Variants in MALRD1 observed in about 807,000 individuals in gnomAD.
MALRD1 encodes the protein MAM and LDL-receptor class A domain-containing protein 1.
MALRD1 carries 247 observed loss-of-function variants against 242.1 expected under a neutral mutation model. That is an observed-to-expected ratio of 1.02 (90% CI 0.92 to 1.13). MALRD1 has a LOEUF of 1.13. Ranked by LOEUF, MALRD1 falls within the 50% of genes most tolerant of loss-of-function variation. The pLI is 0.00. For missense variants in MALRD1, 2,989 were observed against 2,533.1 expected (o/e 1.18, Z -3.86); for synonymous variants, 995 against 866.6 (o/e 1.15, Z -2.60).
chr10:19,694,549 C>T (rs745762908), intron 38 of MALRD1, among the ~76,000 whole-genome samples: 7 of 152,080 alleles, frequency 4.6e-5, no homozygotes, highest in Non-Finnish European at 7.4e-5. Flanking sequence ...GTTAGAATGG[C>T]GATCATTAAA....
intron 21 of MALRD1, among the ~76,000 whole-genome samples, chr10:19,286,950 C>T (rs1352623865): frequency 6.6e-6 from 1 of 151,210 alleles, no homozygotes; most frequent in Non-Finnish European, 1.5e-5. Flanking sequence ...AATCCAGCAG[C>T]ACATCAAAAA....
chr10:19,133,283 T>C (rs1280017244), intron 8 of MALRD1, among the ~76,000 whole-genome samples: 1 of 152,186 alleles, frequency 6.6e-6, no homozygotes, highest in African/African-American at 2.4e-5. Flanking sequence ...AACATAGATT[T>C]CTCTAAAAGA....
intron 19 of MALRD1, among the ~76,000 whole-genome samples, chr10:19,274,819 G>A (rs1006952907): frequency 6.6e-6 from 1 of 152,048 alleles, no homozygotes; most frequent in Non-Finnish European, 1.5e-5. Context: ...CCGAGAGCTG[G>A]GGGGAGGCAG....
chr10:19,096,586 A>G (rs1423797747), intron 4 of MALRD1, among the ~76,000 whole-genome samples: 2 of 152,186 alleles, frequency 1.3e-5, no homozygotes, highest in Non-Finnish European at 2.9e-5. Context: ...TTGGTGGGCC[A>G]CAGAGAAGTG....
rs12413198 is a variant in MALRD1, at chr10:19,384,500, T to A, written c.4442-3028T>A. 1.6e-3 allele frequency among the ~76,000 whole-genome samples: 186 copies of A among 116,872 alleles called. 4 individuals are homozygous for A. The Admixed American group carries it at 0.017, about 11-fold the overall frequency. The allele number at this position is 116,872 out of a possible 152,430, so 76.7% of individuals were successfully genotyped here. A position where few individuals can be genotyped will look rare whatever the true frequency, so the allele number is the denominator to read the frequency against. Reference sequence around the variant, plus strand: ...TTATATAGTGTATGTAATATAATATTTACTATATATTATATATTATATAGT... The same window carrying A: ...TTATATAGTGTATGTAATATAATATATACTATATATTATATATTATATAGT... On this transcript the variant is annotated intron_variant, in intron 26 of 39. Coordinates refer to ENST00000454679, the MANE Select transcript of MALRD1 (RefSeq NM_001142308.3).
chr10:19,109,806 T>C (rs962176803), intron 5 of MALRD1, among the ~76,000 whole-genome samples: 3 of 152,210 alleles, frequency 2.0e-5, no homozygotes, highest in African/African-American at 7.2e-5. Context: ...AGGCACAATG[T>C]GCGCTCCTTC....
chr10:19,615,516 CAAA>C (rs530920512), intron 35 of MALRD1, among the ~76,000 whole-genome samples: 2 of 37,238 alleles, frequency 5.4e-5, no homozygotes, highest in Non-Finnish European at 4.4e-5. Context: ...GACCCTGCCT[CAAA>C]AAAAAAAAAA....
chr10:19,430,055 C>T (rs1433294722), intron 28 of MALRD1, among the ~76,000 whole-genome samples: 1 of 151,544 alleles, frequency 6.6e-6, no homozygotes, highest in Non-Finnish European at 1.5e-5. Flanking sequence ...TTCCATACTC[C>T]AGTGCCTTCA....
intron 18 of MALRD1, among the ~76,000 whole-genome samples, chr10:19,256,565 G>A (rs138345255): frequency 6.1e-4 from 92 of 151,990 alleles, no homozygotes; most frequent in Middle Eastern, 3.4e-3. Context: ...AATGTCAGGG[G>A]GACTATATTT....
In MALRD1 at chr10:19,698,353, C is replaced by G. The variant is rs530503535; in HGVS notation, c.6314+5799C>G. 2.0e-5 allele frequency among the ~76,000 whole-genome samples: 3 copies of G among 152,228 alleles called. No individual in the cohort carries two copies. In the South Asian group the frequency reaches 6.2e-4, roughly 32 times the overall value. ...TGGCTACACCCCTCAAATAAGAGGT[C>G]CAAGTAACACATGTTCTTTGAACTG... On this transcript the variant is annotated intron_variant, in intron 38 of 39. Transcript: ENST00000454679.
chr10:19,057,397 C>T (rs539417714), intron 1 of MALRD1, among the ~76,000 whole-genome samples: 1 of 152,110 alleles, frequency 6.6e-6, no homozygotes, highest in Non-Finnish European at 1.5e-5. Flanking sequence ...CAGATCACCT[C>T]TCCCGTGGCT....
intron 12 of MALRD1, among the ~76,000 whole-genome samples, chr10:19,156,788 G>C (rs1834163761): frequency 6.6e-6 from 1 of 152,046 alleles, no homozygotes; most frequent in Non-Finnish European, 1.5e-5. Flanking sequence ...CACTGGGATT[G>C]AGTTTCAGTT....
At chr10:19,615,535 A>AAAAG (rs397831607) in intron 35 of MALRD1, among the ~76,000 whole-genome samples, 8 of 142,544 alleles carry the variant, frequency 5.6e-5, no homozygotes, top group Non-Finnish European at 1.1e-4. Context: ...AAAAAAAAAA[A>AAAAG]GAGGAAGAGA....
intron 32 of MALRD1, among the ~76,000 whole-genome samples, chr10:19,550,759 T>A (rs768667923): frequency 2.0e-5 from 3 of 152,158 alleles, no homozygotes; most frequent in African/African-American, 4.8e-5. Flanking sequence ...GGGGTTTAGG[T>A]TGATTCCATG....
intron 36 of MALRD1, among the ~76,000 whole-genome samples, chr10:19,640,734 T>G (rs1840347691): frequency 1.3e-5 from 2 of 152,188 alleles, no homozygotes; most frequent in African/African-American, 4.8e-5. Flanking sequence ...AATTTCATTT[T>G]TTGAACTTAT....
At chr10:19,341,409 C>T (rs548357209) in intron 24 of MALRD1, among the ~76,000 whole-genome samples, 2 of 147,472 alleles carry the variant, frequency 1.4e-5, no homozygotes, top group South Asian at 4.3e-4. Context: ...ACACAAATAT[C>T]AAACAAAATA....
intron 29 of MALRD1, among the ~76,000 whole-genome samples, chr10:19,475,823 A>G (rs577886998): frequency 9.5e-4 from 145 of 152,196 alleles, no homozygotes; most frequent in Non-Finnish European, 1.7e-3. Context: ...AAAGGTCTCA[A>G]TCTGATTGCT....
intron 24 of MALRD1, among the ~76,000 whole-genome samples, chr10:19,341,214 A>G (rs1460455225): frequency 6.6e-6 from 1 of 151,914 alleles, no homozygotes; most frequent in Non-Finnish European, 1.5e-5. Flanking sequence ...GTTCATATGC[A>G]TGTATTTGCC....
chr10:19,536,283 C>T (rs192834749), intron 32 of MALRD1, among the ~76,000 whole-genome samples: 25 of 152,172 alleles, frequency 1.6e-4, no homozygotes, highest in Admixed American at 4.6e-4. Flanking sequence ...CTCAGCTTCC[C>T]GCAATTAGGC....
Sources: allele counts gnomAD v4.1 joint callset (sites outside exome capture counted in the v4.1 genomes callset), GRCh38; gene constraint gnomAD v4.1.1; transcripts MANE v1.5; gene names NCBI Gene and HGNC (gene_info 2026-07-23, HGNC 2026-07-21).